PVT1: variants seen among roughly 807,000 people sequenced by gnomAD.
PVT1 encodes Pvt1 oncogene.
chr8:128,022,906 G>T (rs1328367487), intron 4 of PVT1, among the ~76,000 whole-genome samples: 2 of 149,704 alleles, frequency 1.3e-5, no homozygotes, highest in African/African-American at 4.9e-5. Context: ...CCGCTCTGTG[G>T]CCCAGGCTGG....
rs1248715265 is a variant in PVT1 at position 128,041,566 on chromosome 8, TTGTG to T, written n.913-28586_913-28583del. On this transcript the variant is annotated intron_variant and non_coding_transcript_variant, in intron 4 of 10. Coordinates refer to ENST00000651587, the Ensembl canonical transcript of PVT1. The stretch of plus-strand genomic sequence containing the variant: ...TGCTTGGTGAATGTATGTGTGTATT[TTGTG>T]TGTGTGTTTGTGTGTGTTTGCGTGT... Among the ~76,000 whole-genome samples the T allele has an allele frequency of 1.2e-4, 18 of 148,432 alleles. No individual in the cohort carries two copies. The East Asian group carries it at 2.2e-3, about 18-fold the overall frequency.
chr8:127,935,849 G>A (rs1235554632), intron 3 of PVT1, among the ~76,000 whole-genome samples: 3 of 152,072 alleles, frequency 2.0e-5, no homozygotes, highest in Admixed American at 2.0e-4. Flanking sequence ...TGACCATCCT[G>A]GTTAGGGTGG....
intron 4 of PVT1, among the ~76,000 whole-genome samples, chr8:128,027,567 A>G (rs1300155684): frequency 6.6e-6 from 1 of 152,212 alleles, no homozygotes; most frequent in African/African-American, 2.4e-5. Flanking sequence ...CAGTGATGGA[A>G]TCACCAGGGA....
intron 4 of PVT1, among the ~76,000 whole-genome samples, chr8:128,067,955 T>G (rs559244866): frequency 2.3e-5 from 2 of 88,042 alleles, no homozygotes; most frequent in African/African-American, 8.2e-5. Context: ...TACTTTGTGT[T>G]TTTTTTTTTT....
At chr8:128,005,007 G>A (rs933904754) in intron 4 of PVT1, among the ~76,000 whole-genome samples, 1 of 152,098 alleles carries the variant, frequency 6.6e-6, no homozygotes, top group Non-Finnish European at 1.5e-5. Context: ...AGGCATGGTG[G>A]CACATGACTG....
chr8:127,907,221 G>A (rs1173180680), intron 3 of PVT1, among the ~76,000 whole-genome samples: 3 of 151,318 alleles, frequency 2.0e-5, no homozygotes, highest in East Asian at 1.9e-4. Context: ...TGCCAGCCTC[G>A]GCCTCCCAAA....
intron 2 of PVT1, among the ~76,000 whole-genome samples, chr8:127,842,458 G>A (rs1275024359): frequency 6.6e-6 from 1 of 151,720 alleles, no homozygotes; most frequent in African/African-American, 2.4e-5. Context: ...TAGAGATAGG[G>A]TCTCTCTTTG....
intron 4 of PVT1, among the ~76,000 whole-genome samples, chr8:127,991,140 C>CTTTTTTT (rs35494368): frequency 8.2e-5 from 6 of 73,096 alleles, no homozygotes; most frequent in African/African-American, 1.0e-4. Flanking sequence ...TCTTTTCTTT[C>CTTTTTTT]TTTTTTTTTT....
At chr8:127,897,450 A>C (rs1036043135) in intron 3 of PVT1, among the ~76,000 whole-genome samples, 3 of 151,932 alleles carry the variant, frequency 2.0e-5, no homozygotes, top group Non-Finnish European at 4.4e-5. Flanking sequence ...CCCAGTTCCA[A>C]AAATGAAGAA....
At chr8:128,072,302 C>T (rs887953631) in intron 5 of PVT1, among the ~76,000 whole-genome samples, 1 of 152,088 alleles carries the variant, frequency 6.6e-6, no homozygotes, top group Non-Finnish European at 1.5e-5. Flanking sequence ...TGGAAGGTGG[C>T]TGGGGACATG....
intron 4 of PVT1, among the ~76,000 whole-genome samples, chr8:128,027,696 A>G (rs1813328834): frequency 6.6e-6 from 1 of 152,196 alleles, no homozygotes; most frequent in South Asian, 2.1e-4. Flanking sequence ...TGGCCAAGGT[A>G]GGGGCCCTGG....
chr8:128,074,426 G>A (rs1248969769), intron 5 of PVT1, among the ~76,000 whole-genome samples: 1 of 151,500 alleles, frequency 6.6e-6, no homozygotes, highest in Admixed American at 6.6e-5. Flanking sequence ...AGGAGGCTGA[G>A]ACAGGAGAAT....
At chr8:128,068,390 C>T (rs1384791430) in intron 4 of PVT1, among the ~76,000 whole-genome samples, 1 of 152,120 alleles carries the variant, frequency 6.6e-6, no homozygotes, top group Non-Finnish European at 1.5e-5. Context: ...AATAGCACAT[C>T]AGTGAACTTG....
intron 2 of PVT1, among the ~76,000 whole-genome samples, chr8:127,869,276 A>G (rs1256282821): frequency 1.3e-5 from 2 of 151,812 alleles, no homozygotes; most frequent in Non-Finnish European, 2.9e-5. Flanking sequence ...GATTACAGGC[A>G]TGCACCACCA....
chr8:128,022,993 T>C (rs929845109), intron 4 of PVT1, among the ~76,000 whole-genome samples: 1 of 151,712 alleles, frequency 6.6e-6, no homozygotes, highest in Non-Finnish European at 1.5e-5. Context: ...CAGCCTCCCA[T>C]GTATCTGGGA....
chr8:127,833,500 C>A lies in PVT1; in HGVS notation n.372+37429C>A, dbSNP rs542512688. Reference sequence around the variant, plus strand: ...CCCAGACAGGGTCTTGCTCTGTCGCCCAGGCTGGAGTGCAGTGGCACAATC... The same window carrying A: ...CCCAGACAGGGTCTTGCTCTGTCGCACAGGCTGGAGTGCAGTGGCACAATC... On this transcript the variant is annotated intron_variant and non_coding_transcript_variant, in intron 2 of 10. Coordinates refer to ENST00000651587, the Ensembl canonical transcript of PVT1. Among the ~76,000 whole-genome samples the A allele has an allele frequency of 6.6e-5, 10 of 152,156 alleles. 1 individual carries two copies. In the South Asian group the frequency reaches 1.9e-3, roughly 28 times the overall value.
At chr8:128,025,265 G>A (rs1817480318) in intron 4 of PVT1, among the ~76,000 whole-genome samples, 1 of 152,148 alleles carries the variant, frequency 6.6e-6, no homozygotes, top group African/African-American at 2.4e-5. Context: ...GGTGTTCGGG[G>A]CCTCGGGGGC....
chr8:127,821,057 A>G (rs1814722421), intron 2 of PVT1, among the ~76,000 whole-genome samples: 1 of 152,156 alleles, frequency 6.6e-6, no homozygotes, highest in Non-Finnish European at 1.5e-5. Context: ...TTTGAGAGCT[A>G]GAGAAAGTAT....
chr8:127,810,422 A>G (rs576483619), intron 2 of PVT1, among the ~76,000 whole-genome samples: 1 of 152,342 alleles, frequency 6.6e-6, no homozygotes, highest in East Asian at 1.9e-4. Flanking sequence ...TATTAGCTTG[A>G]GTGCCTGGTG....
Sources: allele counts gnomAD v4.1 joint callset (sites outside exome capture counted in the v4.1 genomes callset), GRCh38; gene constraint gnomAD v4.1.1; transcripts MANE v1.5; gene names NCBI Gene and HGNC (gene_info 2026-07-23, HGNC 2026-07-21).